Variants in ARHGAP42 observed in about 807,000 individuals in gnomAD.
The protein encoded by ARHGAP42 is Rho GTPase activating protein 42, also known as rho GTPase-activating protein 42.
A neutral mutation model predicts 125.0 loss-of-function variants in ARHGAP42; 63 were observed. The ratio of observed to expected loss-of-function variants is 0.50; its 90% confidence interval spans 0.41 to 0.62. ARHGAP42 has a LOEUF of 0.62. ARHGAP42 is among the 20% of genes least tolerant of loss of function. ARHGAP42 has a pLI of 0.00. For synonymous variants in ARHGAP42, 339 were observed against 351.0 expected, an observed-to-expected ratio of 0.97 and a Z score of 0.38; for missense variants, 766 against 1,024.2, an observed-to-expected ratio of 0.75 and a Z score of 3.44.
intron 3 of ARHGAP42, among the ~76,000 whole-genome samples, chr11:100,799,733 A>G (rs1357643890): frequency 6.6e-6 from 1 of 152,238 alleles, no homozygotes; most frequent in Non-Finnish European, 1.5e-5. Flanking sequence ...ATGACGGTTT[A>G]AAGAATAGAA....
In ARHGAP42 at chr11:100,733,825, GAAAAAAA is replaced by G. The variant is rs551074447; in HGVS notation, c.155-36498_155-36492del. On this transcript the variant is annotated intron_variant, in intron 1 of 23. Transcript: ENST00000298815. ...GGGCAACAGAGCAAGATTCTGTCTG[GAAAAAAA>G]AAAAAAAAAAAAAAAAAAAGCACTC... Among the ~76,000 whole-genome samples the G allele has an allele frequency of 1.6e-4, 5 of 31,384 alleles. No individual in the cohort carries two copies. The Admixed American group carries it at 1.6e-3, about 10-fold the overall frequency. 20.6% of individuals were successfully genotyped at this position (31,384 alleles called of 152,430 possible). A position where few individuals can be genotyped will look rare whatever the true frequency, so the allele number is the denominator to read the frequency against.
chr11:100,878,006 G>GAAA (rs35482152), intron 4 of ARHGAP42, among the ~76,000 whole-genome samples: 28 of 64,360 alleles, frequency 4.4e-4, no homozygotes, highest in East Asian at 5.2e-4. Context: ...CTCTGTCCCA[G>GAAA]AAAAAAAAAA....
chr11:100,836,560 T>C (rs1056548994), intron 3 of ARHGAP42, among the ~76,000 whole-genome samples: 1 of 152,096 alleles, frequency 6.6e-6, no homozygotes, highest in African/African-American at 2.4e-5. Flanking sequence ...TTCCCTCTGC[T>C]TTTCCTAATA....
At chr11:100,837,675 T>A (rs1182951565) in intron 3 of ARHGAP42, among the ~76,000 whole-genome samples, 6 of 137,224 alleles carry the variant, frequency 4.4e-5, no homozygotes, top group Non-Finnish European at 7.8e-5. Flanking sequence ...CCTTTTTTTT[T>A]TTTTTTTTTT....
At chr11:100,921,660 G>GTACA in intron 6 of ARHGAP42, 56 bp downstream of exon 6, 6 of 1,070,428 alleles carry the variant, frequency 5.6e-6, no homozygotes, top group Non-Finnish European at 8.0e-6. Context: ...TGGAAAAAAA[G>GTACA]TACACTGTTT....
At chr11:100,937,930 A>C (rs1465891375) in intron 8 of ARHGAP42, among the ~76,000 whole-genome samples, 3 of 152,112 alleles carry the variant, frequency 2.0e-5, no homozygotes, top group Non-Finnish European at 4.4e-5. Context: ...GGTTACATGG[A>C]TGGACTAAGC....
At chr11:100,717,560 C>A (rs2120258910) in intron 1 of ARHGAP42, among the ~76,000 whole-genome samples, 1 of 149,734 alleles carries the variant, frequency 6.7e-6, no homozygotes, top group South Asian at 2.1e-4. Flanking sequence ...TGGCATGAAC[C>A]CGGGAGGTGG....
At chr11:100,984,195 T>C (rs988858621) in intron 22 of ARHGAP42, among the ~76,000 whole-genome samples, 9 of 151,914 alleles carry the variant, frequency 5.9e-5, no homozygotes, top group Non-Finnish European at 1.3e-4. Context: ...ATTGGTAAAC[T>C]GTCATGGGCA....
intron 4 of ARHGAP42, among the ~76,000 whole-genome samples, chr11:100,904,070 C>G (rs1391429280): frequency 6.6e-6 from 1 of 151,924 alleles, no homozygotes; most frequent in Non-Finnish European, 1.5e-5. Flanking sequence ...TTGGCAATAC[C>G]CACACAGACA....
chr11:100,711,329 T>C (rs1159061424), intron 1 of ARHGAP42, among the ~76,000 whole-genome samples: 1 of 152,156 alleles, frequency 6.6e-6, no homozygotes, highest in African/African-American at 2.4e-5. Context: ...TTCCTTCTAC[T>C]TGAATGTGTT....
chr11:100,804,539 A>AT (rs1195130837), intron 3 of ARHGAP42, among the ~76,000 whole-genome samples: 2 of 150,860 alleles, frequency 1.3e-5, no homozygotes, highest in South Asian at 2.1e-4. Flanking sequence ...ATATTTTTTA[A>AT]TTTTTAAATT....
chr11:100,867,451 G>A (rs1865596138), intron 4 of ARHGAP42, among the ~76,000 whole-genome samples: 1 of 152,212 alleles, frequency 6.6e-6, no homozygotes, highest in African/African-American at 2.4e-5. Flanking sequence ...ATGTTAGGAT[G>A]TGGCTACTTT....
At chr11:100,790,280 C>A in intron 2 of ARHGAP42, among the ~76,000 whole-genome samples, 1 of 151,890 alleles carries the variant, frequency 6.6e-6, no homozygotes. Flanking sequence ...AGGTATGATT[C>A]AACTATTATG....
chr11:100,959,885 T>C lies in ARHGAP42; in HGVS notation c.1165T>C (p.Tyr389His). 1 of 1,551,316 alleles carries C rather than the reference T, an allele frequency of 6.4e-7. No homozygotes were observed. Among genetic ancestry groups the C allele is most frequent in the South Asian group, 1.2e-5 (1 of 84,034 alleles). The stretch of plus-strand genomic sequence containing the variant: ...TGCGATTTCTCTCTTATTTTCAGTG[T>C]ATTTGAATGAAGCAGGGTTCAACTT... ...PAIISKKEEM[Y>H]LNEAGFNFVR... The change falls in exon 13 of 24, where the codon TAT (tyrosine) becomes CAT (histidine). Residue 389 changes from tyrosine to histidine, a missense_variant and splice_region_variant. Physicochemically the swap from Tyr to His is moderately conservative, Grantham distance 83. Coordinates refer to ENST00000298815, the MANE Select transcript of ARHGAP42 (RefSeq NM_152432.4).
At chr11:100,764,814 T>C (rs1862792097) in intron 1 of ARHGAP42, among the ~76,000 whole-genome samples, 1 of 152,188 alleles carries the variant, frequency 6.6e-6, no homozygotes, top group Admixed American at 6.5e-5. Flanking sequence ...TGTTCATAGA[T>C]GGTAAAGTTT....
Position 100,859,585 on chromosome 11 carries a change from C to T in ARHGAP42, c.344C>T (p.Pro115Leu). ...IQNANDVLIA[P>L]LEKFRKEQIG... ...AACGCTAACGATGTATTAATTGCAC[C>T]ACTTGAGAAATTTCGAAAAGAACAG... The change falls in exon 4 of 24, where the codon CCA (proline) becomes CTA (leucine). Residue 115 changes from proline (P) to leucine (L), a missense_variant. Transcript: ENST00000298815. The T allele has an allele frequency of 6.6e-7, 1 of 1,518,766 alleles. No individual in the cohort carries two copies. The highest frequency in any genetic ancestry group is 8.8e-7 in the Non-Finnish European group (1 of 1,134,236). 94.1% of individuals were successfully genotyped at this position (1,518,766 alleles called of 1,614,324 possible).
chr11:100,792,854 G>A (rs541555809), intron 2 of ARHGAP42, among the ~76,000 whole-genome samples: 1 of 151,120 alleles, frequency 6.6e-6, no homozygotes, highest in African/African-American at 2.4e-5. Context: ...CCGGGTTCAC[G>A]CCGTTCTCCT....
At chr11:100,816,351 G>A (rs1306361211) in intron 3 of ARHGAP42, among the ~76,000 whole-genome samples, 2 of 152,018 alleles carry the variant, frequency 1.3e-5, no homozygotes, top group East Asian at 1.9e-4. Flanking sequence ...ATCCTAATGG[G>A]TATGACAACT....
chr11:100,810,754 A>G (rs1864119991), intron 3 of ARHGAP42, among the ~76,000 whole-genome samples: 1 of 152,214 alleles, frequency 6.6e-6, no homozygotes. Context: ...AAATAAAATA[A>G]CATGTGTTTT....
Sources: gnomAD v4.1 joint callset for allele counts (sites outside exome capture counted in the v4.1 genomes callset) on GRCh38, gnomAD v4.1.1 for gene constraint, MANE v1.5 for transcripts, NCBI Gene and HGNC (gene_info 2026-07-23, HGNC 2026-07-21) for gene names.